MARCKS: variants seen among roughly 807,000 people sequenced by gnomAD.
The protein encoded by MARCKS is myristoylated alanine rich protein kinase C substrate, also known as myristoylated alanine-rich C-kinase substrate.
Under a neutral mutation model 6.3 loss-of-function variants are expected in MARCKS, and 4 were observed. The ratio of observed to expected loss-of-function variants is 0.63; its 90% CI spans 0.31 to 1.45. The LOEUF (loss-of-function observed/expected upper bound fraction) is 1.45, where lower values mean the gene tolerates loss of function less well. Ranked by LOEUF, MARCKS falls within the 40% of genes most tolerant of loss-of-function variation. MARCKS has a pLI of 0.07. For synonymous variants in MARCKS, 289 were observed against 236.5 expected (o/e 1.22, Z -2.04); for missense variants, 636 against 485.7 (o/e 1.31, Z -2.91).
chr6:113,859,166 C>A (rs1348783669), intron 1 of MARCKS, among the ~76,000 whole-genome samples: 1 of 152,178 alleles, frequency 6.6e-6, no homozygotes, highest in African/African-American at 2.4e-5. Context: ...CCCGCGCGGG[C>A]GCTCCTGGCT....
rs768078831 is a variant in MARCKS, at chr6:113,857,811, G to A, written c.66G>A (p.Ala22=). The A allele has an allele frequency of 9.3e-5, 149 of 1,607,642 alleles. No individual in the cohort carries two copies. The highest frequency in any genetic ancestry group is 1.2e-4 in the Non-Finnish European group (145 of 1,177,498). Residue 22 remains alanine (A), a synonymous_variant, in exon 1 of 2, where the codon GCG becomes GCA. Transcript: ENST00000612661. Reference sequence around the variant, plus strand: ...CCGCCGCGGAGAGGCCTGGGGAGGCGGCTGTGGCCTCGTCGCCTTCCAAAG... The same window carrying A: ...CCGCCGCGGAGAGGCCTGGGGAGGCAGCTGTGGCCTCGTCGCCTTCCAAAG... ...GEAAAERPGE[A]AVASSPSKAN...
At chr6:113,858,174 G>C (rs1318662271) in intron 1 of MARCKS, among the ~76,000 whole-genome samples, 1 of 151,776 alleles carries the variant, frequency 6.6e-6, no homozygotes, top group Non-Finnish European at 1.5e-5. Flanking sequence ...ATTTGTGTTT[G>C]GGGGCACAAT....
Position 113,860,315 on chromosome 6 carries a change from G to A in MARCKS, c.735G>A (p.Ala245=), listed in dbSNP as rs935976454. The part of the protein sequence containing the change: ...QEAKPQEAAV[A]PEKPPASDET... ...CCAAGCCCCAGGAGGCCGCTGTCGC[G>A]CCAGAGAAGCCGCCCGCCAGCGACG... is the stretch of plus-strand genomic sequence containing the variant. The change falls in exon 2 of 2, where the codon GCG becomes GCA. Residue 245 remains alanine (A), a synonymous_variant. Coordinates refer to ENST00000612661, the MANE Select transcript of MARCKS (RefSeq NM_002356.7). The A allele has an allele frequency of 6.1e-5, 79 of 1,295,982 alleles. No homozygotes were observed. Among genetic ancestry groups the A allele is most frequent in the Non-Finnish European group, 7.4e-5 (74 of 996,690 alleles). 80.3% of individuals were successfully genotyped at this position (1,295,982 alleles called of 1,614,324 possible). A position where few individuals can be genotyped will look rare whatever the true frequency, so the allele number is the denominator to read the frequency against.
intron 1 of MARCKS, among the ~76,000 whole-genome samples, chr6:113,858,592 G>A (rs1774824990): frequency 6.6e-6 from 1 of 152,208 alleles, no homozygotes; most frequent in African/African-American, 2.4e-5. Context: ...TTGTTCTTGT[G>A]CGTGGCGCCT....
Position 113,857,611 on chromosome 6 carries a change from C to A in MARCKS, c.-135C>A, listed in dbSNP as rs1367715238. ...CTGTCCTCTCCACCACCCCCACCCC[C>A]CTCCCTCCGGTGTGTGTGCCGCTGC... On this transcript the variant is annotated 5_prime_UTR_variant, in exon 1 of 2. Coordinates refer to ENST00000612661, the MANE Select transcript of MARCKS (RefSeq NM_002356.7). 2.7e-6 allele frequency: 1 copy of A among 375,818 alleles called. No homozygotes were observed. The highest frequency in any genetic ancestry group is 1.9e-5 in the South Asian group (1 of 53,538). 23.3% of individuals were successfully genotyped at this position (375,818 alleles called of 1,614,324 possible).
rs1774803708 is a variant in MARCKS, at chr6:113,857,525, C to T, written c.-221C>T. 5 of 538,816 alleles carry T rather than the reference C, an allele frequency of 9.3e-6. No individual in the cohort carries two copies. The South Asian group carries it at 1.1e-4, about 12-fold the overall frequency. The allele number at this position is 538,816 out of a possible 1,614,324, so 33.4% of individuals were successfully genotyped here. ...CCCTTTTTCCCTCCCTCCTGTGCTGCTGCTTTTTGATCTCTTCGACTAAAA... is the reference window on the plus strand; with the variant it reads ...CCCTTTTTCCCTCCCTCCTGTGCTGTTGCTTTTTGATCTCTTCGACTAAAA... On this transcript the variant is annotated 5_prime_UTR_variant, in exon 1 of 2. Transcript: ENST00000612661.
rs755557718 is a variant in MARCKS, at chr6:113,860,171, C to G, written c.591C>G (p.Ala197=). 1.4e-5 allele frequency: 18 copies of G among 1,321,176 alleles called. 1 individual carries two copies. In the African/African-American group the frequency reaches 1.7e-4, roughly 13 times the overall value. 81.8% of individuals were successfully genotyped at this position (1,321,176 alleles called of 1,614,324 possible). A position where few individuals can be genotyped will look rare whatever the true frequency, so the allele number is the denominator to read the frequency against. Residue 197 remains alanine (A), a synonymous_variant, in exon 2 of 2, where the codon GCC becomes GCG. Transcript: ENST00000612661. ...PAAEGGKDEA[A]GGAAAAAAEA... ...CCGAAGGCGGCAAGGACGAGGCCGC[C>G]GGGGGCGCAGCTGCGGCCGCCGCCG...
chr6:113,857,692 G>C lies in MARCKS; in HGVS notation c.-54G>C. 1 of 1,422,702 alleles carries C rather than the reference G, an allele frequency of 7.0e-7. No individual in the cohort carries two copies. Among genetic ancestry groups the C allele is most frequent in the Admixed American group, 2.0e-5 (1 of 49,512 alleles). 88.1% of individuals were successfully genotyped at this position (1,422,702 alleles called of 1,614,324 possible). ...TCGCCCCGTCGTTACACCAACCCGA[G>C]GCTCTTTGTTTCCCCTCTTGGATCT... On this transcript the variant is annotated 5_prime_UTR_variant, in exon 1 of 2. Coordinates refer to ENST00000612661, the MANE Select transcript of MARCKS (RefSeq NM_002356.7).
At chr6:113,859,114 G>T (rs890118808) in intron 1 of MARCKS, among the ~76,000 whole-genome samples, 2 of 152,144 alleles carry the variant, frequency 1.3e-5, no homozygotes, top group Admixed American at 6.5e-5. Context: ...AGCGCCCCCT[G>T]CCGGTGCCAA....
chr6:113,859,609 C>T, intron 1 of MARCKS, 74 bp from the exon 2 acceptor site: 1 of 1,299,568 alleles, frequency 7.7e-7, no homozygotes, highest in Non-Finnish European at 1.0e-6. Context: ...GGGGCACTCC[C>T]GGTCCAGGGC....
chr6:113,857,614 C>A lies in MARCKS; in HGVS notation c.-132C>A. On this transcript the variant is annotated 5_prime_UTR_variant, in exon 1 of 2. Coordinates refer to ENST00000612661, the MANE Select transcript of MARCKS (RefSeq NM_002356.7). ...TCCTCTCCACCACCCCCACCCCCCT[C>A]CCTCCGGTGTGTGTGCCGCTGCCGC... 1 of 365,358 alleles carries A rather than the reference C, an allele frequency of 2.7e-6. No homozygotes were observed. Among genetic ancestry groups the A allele is most frequent in the South Asian group, 1.9e-5 (1 of 53,288 alleles). 22.6% of individuals were successfully genotyped at this position (365,358 alleles called of 1,614,324 possible).
In MARCKS at chr6:113,859,749, G is replaced by A; in HGVS notation, c.169G>A (p.Glu57Lys). 1 of 1,497,046 alleles carries A rather than the reference G, an allele frequency of 6.7e-7. No individual in the cohort carries two copies. Among genetic ancestry groups the A allele is most frequent in the Non-Finnish European group, 8.9e-7 (1 of 1,124,066 alleles). 92.7% of individuals were successfully genotyped at this position (1,497,046 alleles called of 1,614,324 possible). The change falls in exon 2 of 2, where the codon GAG becomes AAG. Residue 57 changes from glutamate to lysine, a missense_variant. Transcript: ENST00000612661. ...GGCCGCCGAGTCGGGCGCCAAGGAG[G>A]AGCTGCAGGCCAACGGCAGCGCCCC... ...PAAAESGAKE[E>K]LQANGSAPAA...
chr6:113,861,211 T>C lies in MARCKS; in HGVS notation c.*632T>C, dbSNP rs1774897192. 1 of 151,096 alleles carries C rather than the reference T, an allele frequency of 6.6e-6. No homozygotes were observed. Among genetic ancestry groups the C allele is most frequent in the African/African-American group, 2.4e-5 (1 of 40,992 alleles). 9.4% of individuals were successfully genotyped at this position (151,096 alleles called of 1,614,324 possible). ...CCCAGATTTAAAAAAAAAAAAACGA[T>C]CATAGTCTTAGGAGTTCATTTAAAC... On this transcript the variant is annotated 3_prime_UTR_variant, in exon 2 of 2. Transcript: ENST00000612661.
chr6:113,861,087 T>TC lies in MARCKS; in HGVS notation c.*508_*509insC, dbSNP rs1352456723. The TC allele has an allele frequency of 6.6e-6, 1 of 150,618 alleles. No individual in the cohort carries two copies. The highest frequency in any genetic ancestry group is 1.5e-5 in the Non-Finnish European group (1 of 67,442). The allele number at this position is 150,618 out of a possible 1,614,324, so 9.3% of individuals were successfully genotyped here. ...TGTAAAGGCTGTCTTTTTTTTTTTT[T>TC]TAAAAGAAAAGTTATTACCATGTAT... On this transcript the variant is annotated 3_prime_UTR_variant, in exon 2 of 2. Coordinates refer to ENST00000612661, the MANE Select transcript of MARCKS (RefSeq NM_002356.7).
Position 113,859,677 on chromosome 6 carries a change from C to A in MARCKS, c.103-6C>A. ...CAGTGACGCTCCCGCTTTCTCTGCCCCTTAGGAGAATGGCCACGTGAAGGT... is the reference window on the plus strand; with the variant it reads ...CAGTGACGCTCCCGCTTTCTCTGCCACTTAGGAGAATGGCCACGTGAAGGT... On this transcript the variant is annotated splice_region_variant and splice_polypyrimidine_tract_variant and intron_variant, in intron 1 of 1. Transcript: ENST00000612661. 1 of 1,500,496 alleles carries A rather than the reference C, an allele frequency of 6.7e-7. No homozygotes were observed. The highest frequency in any genetic ancestry group is 1.2e-5 in the South Asian group (1 of 80,316). 92.9% of individuals were successfully genotyped at this position (1,500,496 alleles called of 1,614,324 possible). A position where few individuals can be genotyped will look rare whatever the true frequency, so the allele number is the denominator to read the frequency against.
rs2114521761 is a variant in MARCKS at position 113,860,127 on chromosome 6, G to A, written c.547G>A (p.Glu183Lys). The A allele has an allele frequency of 1.3e-6, 2 of 1,513,194 alleles. No individual in the cohort carries two copies. Among genetic ancestry groups the A allele is most frequent in the East Asian group, 2.7e-5 (1 of 36,874 alleles). The allele number at this position is 1,513,194 out of a possible 1,614,324, so 93.7% of individuals were successfully genotyped here. The change falls in exon 2 of 2, where the codon GAG (glutamate) becomes AAG (lysine). Residue 183 changes from glutamate to lysine, a missense_variant. Transcript: ENST00000612661. ...CAAGAAGGAGGCTGGAGAAGGCGGTGAGGCTGAGGCGCCCGCTGCCGAAGG... is the reference window on the plus strand; with the variant it reads ...CAAGAAGGAGGCTGGAGAAGGCGGTAAGGCTGAGGCGCCCGCTGCCGAAGG... ...KNKKEAGEGG[E>K]AEAPAAEGGK...
intron 1 of MARCKS, among the ~76,000 whole-genome samples, chr6:113,859,086 G>A (rs1377216099): frequency 1.3e-5 from 2 of 152,184 alleles, no homozygotes; most frequent in Non-Finnish European, 1.5e-5. Flanking sequence ...TGCGCCCAAC[G>A]CGGCGCGGTG....
Position 113,857,813 on chromosome 6 carries a change from C to T in MARCKS, c.68C>T (p.Ala23Val), listed in dbSNP as rs1774810959. 1 of 1,607,074 alleles carries T rather than the reference C, an allele frequency of 6.2e-7. No homozygotes were observed. The highest frequency in any genetic ancestry group is 8.5e-7 in the Non-Finnish European group (1 of 1,177,258). Residue 23 changes from alanine to valine, a missense_variant, in exon 1 of 2, where the codon GCT becomes GTT. Physicochemically the swap from Ala to Val is moderately conservative, Grantham distance 64. Transcript: ENST00000612661. ...GCCGCGGAGAGGCCTGGGGAGGCGG[C>T]TGTGGCCTCGTCGCCTTCCAAAGCG... ...EAAAERPGEA[A>V]VASSPSKANG...
rs538925937 is a variant in MARCKS, at chr6:113,860,430, G to A, written c.850G>A (p.Ala284Thr). The A allele has an allele frequency of 2.6e-6, 3 of 1,155,742 alleles. No homozygotes were observed. Among genetic ancestry groups the A allele is most frequent in the South Asian group, 5.8e-5 (2 of 34,216 alleles). 71.6% of individuals were successfully genotyped at this position (1,155,742 alleles called of 1,614,324 possible). The part of the protein sequence containing the change: ...ASAAACEAPS[A>T]AGPGAPPEQE... ...CGCCGCCGCCTGCGAGGCCCCCTCC[G>A]CCGCCGGGCCCGGCGCGCCCCCGGA... The change falls in exon 2 of 2, where the codon GCC becomes ACC. Residue 284 changes from alanine (A) to threonine (T), a missense_variant. Ala to Thr is a moderately conservative substitution (Grantham distance 58). Transcript: ENST00000612661.
Sources: allele counts gnomAD v4.1 joint callset (sites outside exome capture counted in the v4.1 genomes callset), GRCh38; gene constraint gnomAD v4.1.1; transcripts MANE v1.5; gene names NCBI Gene and HGNC (gene_info 2026-07-23, HGNC 2026-07-21).